The following NBN variants were observed in gnomAD, a reference collection of about 807,000 sequenced individuals.
The protein encoded by NBN is Nijmegen breakage syndrome 1 (nibrin).
Under a neutral mutation model 90.8 loss-of-function variants are expected in NBN, and 88 were observed. The observed-to-expected ratio is 0.97, with a 90% CI of 0.82 to 1.16. The LOEUF (loss-of-function observed/expected upper bound fraction) is 1.16, where lower values mean the gene tolerates loss of function less well. Among genes scored for constraint, NBN ranks in the 50% most tolerant of loss-of-function variants. The pLI is 0.00. For synonymous variants in NBN, 328 were observed against 295.1 expected (o/e 1.11, Z -1.14); for missense variants, 894 against 869.6 (o/e 1.03, Z -0.35).
At chr8:89,936,087 C>CTTTTTT (rs35393048) in intron 15 of NBN, 56 of 280,586 alleles carry the variant, frequency 2.0e-4, no homozygotes, top group South Asian at 3.3e-4. Context: ...TCTGTCAACA[C>CTTTTTT]TTTTTTTTTT....
rs1422071925 is a variant in NBN at position 89,934,553 on chromosome 8, G to C, written c.*1029C>G. ...AGAGTGATGTAGAGGCCAGCCTCTT[G>C]TCCCTTCTGTTGCTTCTGTTTACAA... On this transcript the variant is annotated 3_prime_UTR_variant, in exon 16 of 16. Transcript: ENST00000265433. 2 of 233,066 alleles carry C rather than the reference G, an allele frequency of 8.6e-6. No individual in the cohort carries two copies. Among genetic ancestry groups the C allele is most frequent in the African/African-American group, 4.4e-5 (2 of 45,336 alleles). The allele number at this position is 233,066 out of a possible 1,614,324, so 14.4% of individuals were successfully genotyped here. A position where few individuals can be genotyped will look rare whatever the true frequency, so the allele number is the denominator to read the frequency against.
chr8:89,949,490 G>A (rs1435906903), intron 11 of NBN, among the ~76,000 whole-genome samples: 1 of 152,186 alleles, frequency 6.6e-6, no homozygotes, highest in Non-Finnish European at 1.5e-5. Flanking sequence ...CTGTTAAGGA[G>A]AAGAATGTTA....
rs758276775 is a variant in NBN, at chr8:89,978,321, T to C, written c.483A>G (p.Thr161=). Residue 161 remains threonine, a splice_region_variant and synonymous_variant, in exon 5 of 16, where the codon ACA becomes ACG. Transcript: ENST00000265433. ...VMVSVKVTIK[T]ICALICGRPI... is the part of the protein sequence containing the mutation. ...GACGTCCACAAATGAGTGCACATAT[T>C]GTCTACAATGAAGAAAACATGTGAA... 10 of 1,583,752 alleles carry C rather than the reference T, an allele frequency of 6.3e-6. No homozygotes were observed. The highest frequency in any genetic ancestry group is 7.8e-6 in the Non-Finnish European group (9 of 1,152,676).
At chr8:89,984,438 G>C in intron 1 of NBN, 87 bp downstream of exon 1, 1 of 1,288,036 alleles carries the variant, frequency 7.8e-7, no homozygotes, top group East Asian at 2.5e-5. Context: ...GGCAGGAACG[G>C]ACGCGACGCA....
chr8:89,970,538 G>A lies in NBN; in HGVS notation c.722C>T (p.Ala241Val). 1 of 1,613,582 alleles carries A rather than the reference G, an allele frequency of 6.2e-7. No individual in the cohort carries two copies. The highest frequency in any genetic ancestry group is 8.5e-7 in the Non-Finnish European group (1 of 1,179,592). Residue 241 changes from alanine (A) to valine (V), a missense_variant, in exon 7 of 16, where the codon GCA becomes GTA. Transcript: ENST00000265433. ...AGCTTCCCCACCTCCAAAGACAACT[G>A]CGGAACTCAATTTCTTATGCTAAAA... Reference protein sequence around the residue: ...NAKQHKKLSSAVVFGGGEARL... With the variant: ...NAKQHKKLSSVVVFGGGEARL...
At chr8:89,944,139 G>A (rs1026649324) in intron 13 of NBN, among the ~76,000 whole-genome samples, 1 of 152,174 alleles carries the variant, frequency 6.6e-6, no homozygotes, top group East Asian at 1.9e-4. Flanking sequence ...AGGCTGGAGA[G>A]TGCAGTGTGA....
chr8:89,981,565 T>G (rs371838135), intron 2 of NBN, 42 bp from the exon 3 acceptor site: 6 of 1,604,724 alleles, frequency 3.7e-6, no homozygotes, highest in Middle Eastern at 2.0e-4. Flanking sequence ...TACCACTCAG[T>G]ACATTCACTT....
intron 4 of NBN, among the ~76,000 whole-genome samples, chr8:89,979,388 A>G (rs941951217): frequency 1.3e-5 from 2 of 152,224 alleles, no homozygotes; most frequent in African/African-American, 2.4e-5. Flanking sequence ...CCAATGTGAA[A>G]GAAATAAACT....
In NBN at chr8:89,935,595, T is replaced by C. The variant is rs1301372320; in HGVS notation, c.2252A>G (p.Lys751Arg). The change falls in exon 16 of 16, where the codon AAA (lysine) becomes AGA (arginine). Residue 751 changes from lysine (K) to arginine (R), a missense_variant. Coordinates refer to ENST00000265433, the MANE Select transcript of NBN (RefSeq NM_002485.5). ...DDLFRYNPYL[K>R]RRR is the part of the protein sequence containing the mutation. The stretch of plus-strand genomic sequence containing the variant: ...TAAAATCCTCAGTTATCTTCTCCTT[T>C]TTAAATAAGGATTGTATCTGCAAAG... 6.2e-7 allele frequency: 1 copy of C among 1,609,190 alleles called. No individual in the cohort carries two copies. The highest frequency in any genetic ancestry group is 1.3e-5 in the African/African-American group (1 of 74,784).
intron 13 of NBN, among the ~76,000 whole-genome samples, chr8:89,943,572 G>C (rs1467825342): frequency 6.6e-6 from 1 of 151,980 alleles, no homozygotes; most frequent in Admixed American, 6.6e-5. Flanking sequence ...TACAGATCTG[G>C]ACATGTCATG....
chr8:89,966,297 G>A (rs540503978), intron 7 of NBN, among the ~76,000 whole-genome samples: 1 of 152,146 alleles, frequency 6.6e-6, no homozygotes, highest in African/African-American at 2.4e-5. Context: ...AGATGATAAT[G>A]ATTTATAGAA....
intron 9 of NBN, among the ~76,000 whole-genome samples, 174 bp downstream of exon 9, chr8:89,958,551 G>A (rs1304049518): frequency 6.6e-6 from 1 of 152,108 alleles, no homozygotes; most frequent in East Asian, 1.9e-4. Flanking sequence ...ACTACTCGCC[G>A]CTCCTTTACA....
Position 89,939,351 on chromosome 8 carries a change from A to G in NBN, c.2185-2276T>C, listed in dbSNP as rs186271365. Among the ~76,000 whole-genome samples the G allele has an allele frequency of 5.3e-3, 801 of 152,322 alleles. 5 individuals carry two copies. Among genetic ancestry groups the G allele is most frequent in the East Asian group, 0.012 (60 of 5,180 alleles). ...AGTCTGTTATAGAGTAAGTCCTACC[A>G]ATAGCAACTAAAATGATTCTAGCAA... On this transcript the variant is annotated intron_variant, in intron 14 of 15. Coordinates refer to ENST00000265433, the MANE Select transcript of NBN (RefSeq NM_002485.5).
intron 11 of NBN, among the ~76,000 whole-genome samples, chr8:89,949,382 A>G (rs1810339549): frequency 6.6e-6 from 1 of 152,232 alleles, no homozygotes; most frequent in Admixed American, 6.5e-5. Flanking sequence ...TTAAGAATTT[A>G]CTACTGGGTA....
chr8:89,936,928 T>C, intron 15 of NBN, 98 bp downstream of exon 15: 1 of 911,718 alleles, frequency 1.1e-6, no homozygotes. Flanking sequence ...ACTAGGTGTC[T>C]ATGAGGACAG....
chr8:89,944,684 CCTTCAACTT>C (rs1810109027), intron 13 of NBN, among the ~76,000 whole-genome samples: 2 of 152,262 alleles, frequency 1.3e-5, no homozygotes, highest in South Asian at 4.1e-4. Flanking sequence ...CTCAAATGAT[CCTTCAACTT>C]CAGCCTCCTG....
At chr8:89,945,045 T>C (rs755217739) in intron 13 of NBN, among the ~76,000 whole-genome samples, 16 of 152,230 alleles carry the variant, frequency 1.1e-4, no homozygotes, top group Non-Finnish European at 1.9e-4. Context: ...TCCAAACCAC[T>C]TTCCAGAGAT....
chr8:89,941,486 T>A (rs1160696822), intron 14 of NBN, among the ~76,000 whole-genome samples: 3 of 152,248 alleles, frequency 2.0e-5, no homozygotes, highest in African/African-American at 7.2e-5. Context: ...CAGTGATTTT[T>A]ATAGTTTTCC....
intron 8 of NBN, among the ~76,000 whole-genome samples, chr8:89,962,318 C>A (rs909996483): frequency 9.9e-5 from 15 of 152,088 alleles, no homozygotes; most frequent in African/African-American, 3.6e-4. Context: ...CAAATGGGTG[C>A]TGAGACAAGG....
Sources: allele counts gnomAD v4.1 joint callset (sites outside exome capture counted in the v4.1 genomes callset), GRCh38; gene constraint gnomAD v4.1.1; transcripts MANE v1.5; gene names NCBI Gene and HGNC (gene_info 2026-07-23, HGNC 2026-07-21).